Variants in RSAD2 observed in about 807,000 individuals in gnomAD.
RSAD2 encodes the protein S-adenosylmethionine-dependent nucleotide dehydratase RSAD2.
In RSAD2, 38 loss-of-function variants were observed where a neutral mutation model predicts 37.7. The observed-to-expected ratio is 1.01, with a 90% CI of 0.78 to 1.32. The LOEUF (loss-of-function observed/expected upper bound fraction) is 1.32. Ranked by LOEUF, RSAD2 falls within the 40% of genes most tolerant of loss-of-function variation. The pLI is 0.00. For synonymous variants in RSAD2, 163 were observed against 157.4 expected, an observed-to-expected ratio of 1.04 and a Z score of -0.27; for missense variants, 428 against 437.5, an observed-to-expected ratio of 0.98 and a Z score of 0.19.
chr2:6,878,794 G>C, intron 1 of RSAD2: 2 of 1,188,184 alleles, frequency 1.7e-6, no homozygotes, highest in South Asian at 1.5e-5. Flanking sequence ...TCTGCCTTCC[G>C]TCCTTGTCTT....
rs1253504805 is a variant in RSAD2 at position 6,897,331 on chromosome 2, A to G, written c.*1389A>G. ...AAAAGGTCATTTTAATTTAGCTGCAATTTCAGTGTTCCTCACTAGGTGGCA... is the reference window on the plus strand; with the variant it reads ...AAAAGGTCATTTTAATTTAGCTGCAGTTTCAGTGTTCCTCACTAGGTGGCA... On this transcript the variant is annotated 3_prime_UTR_variant, in exon 6 of 6. Coordinates refer to ENST00000382040, the MANE Select transcript of RSAD2 (RefSeq NM_080657.5). The G allele has an allele frequency of 1.3e-5, 2 of 152,212 alleles. No homozygotes were observed. Among genetic ancestry groups the G allele is most frequent in the Admixed American group, 1.3e-4 (2 of 15,282 alleles). The allele number at this position is 152,212 out of a possible 1,614,324, so 9.4% of individuals were successfully genotyped here.
intron 4 of RSAD2, among the ~76,000 whole-genome samples, chr2:6,893,087 G>C (rs181635226): frequency 6.6e-6 from 1 of 152,202 alleles, no homozygotes; most frequent in Non-Finnish European, 1.5e-5. Context: ...TTGCTATCTG[G>C]CCCTTTACAG....
At chr2:6,867,914 A>C (rs1289009861) in intron 1 of RSAD2, among the ~76,000 whole-genome samples, 1 of 152,222 alleles carries the variant, frequency 6.6e-6, no homozygotes, top group Non-Finnish European at 1.5e-5. Flanking sequence ...TTGAAGATAT[A>C]TCTTCATTCA....
At chr2:6,868,035 C>T (rs936463020) in intron 1 of RSAD2, among the ~76,000 whole-genome samples, 5 of 152,110 alleles carry the variant, frequency 3.3e-5, no homozygotes, top group African/African-American at 1.2e-4. Context: ...AGCCACCCAT[C>T]GTTGCAGGTG....
intron 1 of RSAD2, among the ~76,000 whole-genome samples, chr2:6,871,693 C>T (rs146823727): frequency 4.3e-4 from 66 of 152,164 alleles, no homozygotes; most frequent in African/African-American, 1.4e-3. Flanking sequence ...CTTGTGCCTA[C>T]CTGTATTTTT....
At chr2:6,887,220 C>T in intron 3 of RSAD2, 56 bp downstream of exon 3, 1 of 1,353,260 alleles carries the variant, frequency 7.4e-7, no homozygotes, top group South Asian at 1.2e-5. Flanking sequence ...TCAGGAATGA[C>T]TTTTTTCAAT....
intron 1 of RSAD2, among the ~76,000 whole-genome samples, chr2:6,882,762 A>G (rs1663439157): frequency 6.6e-6 from 1 of 152,232 alleles, no homozygotes; most frequent in South Asian, 2.1e-4. Context: ...ATGCACTTAC[A>G]AAGGAGTACA....
At chr2:6,875,088 G>A (rs1366963545), upstream of RSAD2, among the ~76,000 whole-genome samples, 1 of 152,130 alleles carries the variant, frequency 6.6e-6, no homozygotes, top group Non-Finnish European at 1.5e-5. Flanking sequence ...AGCCTCTAGA[G>A]GTTCTAAAAC....
At chr2:6,880,615 C>T (rs941324816) in intron 1 of RSAD2, among the ~76,000 whole-genome samples, 1 of 152,128 alleles carries the variant, frequency 6.6e-6, no homozygotes, top group African/African-American at 2.4e-5. Context: ...CAACCTCCCT[C>T]TGTGCTCAAG....
chr2:6,890,862 G>A (rs1663616572), intron 4 of RSAD2, among the ~76,000 whole-genome samples: 1 of 152,064 alleles, frequency 6.6e-6, no homozygotes, highest in East Asian at 1.9e-4. Flanking sequence ...AAACAAGGTT[G>A]GCCAAAACAT....
chr2:6,877,553 T>C, upstream of RSAD2: 1 of 526,026 alleles, frequency 1.9e-6, no homozygotes, highest in South Asian at 2.3e-5. Context: ...ATAATACAAG[T>C]GGACTGAGGC....
intron 4 of RSAD2, among the ~76,000 whole-genome samples, chr2:6,893,372 A>G (rs914248692): frequency 4.7e-4 from 71 of 152,344 alleles, no homozygotes; most frequent in African/African-American, 1.6e-3. Context: ...GCTCTCCCAA[A>G]GTGTGAAGGG....
chr2:6,872,891 A>G (rs1663223823), upstream of RSAD2, among the ~76,000 whole-genome samples: 1 of 152,202 alleles, frequency 6.6e-6, no homozygotes, highest in African/African-American at 2.4e-5. Context: ...TAAAATTGCA[A>G]GAGGTTTTAA....
At chr2:6,871,452 C>G (rs542594033) in intron 1 of RSAD2, among the ~76,000 whole-genome samples, 8 of 152,356 alleles carry the variant, frequency 5.3e-5, no homozygotes, top group Admixed American at 1.3e-4. Context: ...TAATCCTCCT[C>G]TAGCACACGC....
chr2:6,896,116 A>C lies in RSAD2; in HGVS notation c.*174A>C. 2 of 534,308 alleles carry C rather than the reference A, an allele frequency of 3.7e-6. No individual in the cohort carries two copies. Among genetic ancestry groups the C allele is most frequent in the Non-Finnish European group, 6.5e-6 (2 of 305,412 alleles). 33.1% of individuals were successfully genotyped at this position (534,308 alleles called of 1,614,324 possible). On this transcript the variant is annotated 3_prime_UTR_variant, in exon 6 of 6. Transcript: ENST00000382040. ...AACACACGAATAACTTGGATAGCAA[A>C]TCCTGAGACAATGGAAAACCATTAA... is the stretch of plus-strand genomic sequence containing the variant.
At chr2:6,874,205 T>C (rs893060561), upstream of RSAD2, among the ~76,000 whole-genome samples, 4 of 152,096 alleles carry the variant, frequency 2.6e-5, no homozygotes, top group African/African-American at 9.7e-5. Flanking sequence ...TCTGTCATGA[T>C]TTTAAGTTTC....
At chr2:6,877,414 G>C (rs1166644898), upstream of RSAD2, among the ~76,000 whole-genome samples, 1 of 152,174 alleles carries the variant, frequency 6.6e-6, no homozygotes, top group Non-Finnish European at 1.5e-5. Flanking sequence ...GCTATGTCAA[G>C]AGAAAGCAAT....
At chr2:6,887,257 A>G in intron 3 of RSAD2, 93 bp downstream of exon 3, 1 of 939,406 alleles carries the variant, frequency 1.1e-6, no homozygotes, top group Non-Finnish European at 1.6e-6. Flanking sequence ...CTGATACAAG[A>G]GAACTCTGGA....
intron 2 of RSAD2, among the ~76,000 whole-genome samples, chr2:6,886,041 T>G (rs1663511678): frequency 6.6e-6 from 1 of 151,850 alleles, no homozygotes; most frequent in Non-Finnish European, 1.5e-5. Flanking sequence ...GCTTAAAGAG[T>G]TTTTGGAATT....
Sources: gnomAD v4.1 joint callset for allele counts (sites outside exome capture counted in the v4.1 genomes callset) on GRCh38, gnomAD v4.1.1 for gene constraint, MANE v1.5 for transcripts, NCBI Gene and HGNC (gene_info 2026-07-23, HGNC 2026-07-21) for gene names.